The following EHF variants were observed in gnomAD, a reference collection of about 807,000 sequenced individuals.
EHF encodes the protein ETS homologous factor, also known as ESE3 transcription factor.
Under a neutral mutation model 45.1 loss-of-function variants are expected in EHF, and 14 were observed. The ratio of observed to expected loss-of-function variants is 0.31; its 90% CI spans 0.21 to 0.49. The LOEUF is 0.49. Among genes scored for constraint, EHF ranks in the 20% least tolerant of loss-of-function variants. The pLI, the probability that EHF is intolerant of heterozygous loss-of-function variation, is 0.99. For missense variants in EHF, 282 were observed against 371.4 expected (o/e 0.76, Z 1.98); for synonymous variants, 136 against 131.8 (o/e 1.03, Z -0.22).
At chr11:34,624,443 T>C (rs762735367) in intron 1 of EHF, 54 of 324,072 alleles carry the variant, frequency 1.7e-4, no homozygotes, top group Non-Finnish European at 2.1e-4. Context: ...ATTAACTTTA[T>C]TTGACATTTT....
chr11:34,652,582 T>C (rs1441433330), intron 6 of EHF, among the ~76,000 whole-genome samples: 2 of 152,210 alleles, frequency 1.3e-5, no homozygotes, highest in African/African-American at 4.8e-5. Context: ...GATCTGAGTA[T>C]GAACTTGTGG....
chr11:34,632,679 G>T lies in EHF; in HGVS notation c.-3-9949G>T, dbSNP rs534930675. ...TTGGTCATTCTCAAATGCCAGAGAG[G>T]GTTGCCCGGCTCTCTCTGCTCTTGC... On this transcript the variant is annotated intron_variant, in intron 1 of 8. Coordinates refer to ENST00000257831, the MANE Select transcript of EHF (RefSeq NM_012153.6). The T allele has an allele frequency of 2.4e-5, 37 of 1,534,688 alleles. No individual in the cohort carries two copies. In the South Asian group the frequency reaches 4.2e-4, roughly 17 times the overall value.
intron 1 of EHF, among the ~76,000 whole-genome samples, chr11:34,640,862 C>T (rs939285071): frequency 1.3e-5 from 2 of 152,190 alleles, no homozygotes; most frequent in African/African-American, 2.4e-5. Flanking sequence ...CTCATGATAA[C>T]ACCTGACGTG....
chr11:34,628,018 G>T (rs540187038), intron 1 of EHF, among the ~76,000 whole-genome samples: 1 of 152,050 alleles, frequency 6.6e-6, no homozygotes, highest in South Asian at 2.1e-4. Context: ...AAGTAATTGT[G>T]GTTCTTGCCA....
intron 2 of EHF, 52 bp downstream of exon 2, chr11:34,642,779 G>A (rs1244420257): frequency 3.8e-6 from 5 of 1,313,872 alleles, no homozygotes; most frequent in Non-Finnish European, 5.5e-6. Context: ...TGGGCTCTTT[G>A]CTTTAATTCC....
intron 3 of EHF, 38 bp from the exon 4 acceptor site, chr11:34,648,981 C>G (rs1035718617): frequency 1.9e-6 from 3 of 1,599,368 alleles, no homozygotes; most frequent in Non-Finnish European, 2.6e-6. Flanking sequence ...CTGGCTCCAT[C>G]TGGGCCCTCT....
chr11:34,639,507 A>T (rs1853774465), intron 1 of EHF, among the ~76,000 whole-genome samples: 1 of 152,086 alleles, frequency 6.6e-6, no homozygotes, highest in East Asian at 1.9e-4. Context: ...AAGTGTCTTC[A>T]CTCTACGCCT....
intron 1 of EHF, among the ~76,000 whole-genome samples, chr11:34,637,361 T>G (rs1421583580): frequency 6.6e-6 from 1 of 152,204 alleles, no homozygotes; most frequent in Non-Finnish European, 1.5e-5. Context: ...TGTCTCTGTG[T>G]GGCTGGCACA....
chr11:34,644,312 A>T (rs952161810), intron 2 of EHF, among the ~76,000 whole-genome samples: 1 of 152,256 alleles, frequency 6.6e-6, no homozygotes, highest in African/African-American at 2.4e-5. Flanking sequence ...GCCACAAAAT[A>T]TATATCCCAT....
rs1856023219 is a variant in EHF, at chr11:34,660,633, G to A, written c.*1702G>A. On this transcript the variant is annotated 3_prime_UTR_variant, in exon 9 of 9. Transcript: ENST00000257831. The stretch of plus-strand genomic sequence containing the variant: ...AGGAATAAGTAGACACTTTGAAAAT[G>A]GATTTGAATGTTCTCATCCCTTTTG... The A allele has an allele frequency of 2.0e-5, 3 of 152,236 alleles. No individual in the cohort carries two copies. Among genetic ancestry groups the A allele is most frequent in the Non-Finnish European group, 4.4e-5 (3 of 68,002 alleles). 9.4% of individuals were successfully genotyped at this position (152,236 alleles called of 1,614,324 possible). A position where few individuals can be genotyped will look rare whatever the true frequency, so the allele number is the denominator to read the frequency against.
chr11:34,626,033 C>CT (rs1356344240), intron 1 of EHF, among the ~76,000 whole-genome samples: 1 of 152,224 alleles, frequency 6.6e-6, no homozygotes, highest in Non-Finnish European at 1.5e-5. Flanking sequence ...GATTTTTAGA[C>CT]TAACAGACCA....
chr11:34,648,854 G>C (rs1250873356), intron 3 of EHF, among the ~76,000 whole-genome samples, 165 bp from the exon 4 acceptor site: 1 of 152,164 alleles, frequency 6.6e-6, no homozygotes, highest in African/African-American at 2.4e-5. Flanking sequence ...CTGCAGGCTT[G>C]AGTTTGTAGA....
intron 1 of EHF, among the ~76,000 whole-genome samples, chr11:34,626,561 T>C (rs1198027964): frequency 6.6e-6 from 1 of 152,234 alleles, no homozygotes; most frequent in Non-Finnish European, 1.5e-5. Flanking sequence ...ATGATAAGAC[T>C]TGCTTTGTCT....
At chr11:34,647,622 C>A (rs965113939) in intron 3 of EHF, among the ~76,000 whole-genome samples, 1 of 152,196 alleles carries the variant, frequency 6.6e-6, no homozygotes, top group East Asian at 1.9e-4. Flanking sequence ...TTGGTAGAAC[C>A]CATGTTTGGG....
chr11:34,642,007 G>C (rs1590474573), intron 1 of EHF: 1 of 152,218 alleles, frequency 6.6e-6, no homozygotes, highest in East Asian at 1.9e-4. Context: ...TTCTTTACCA[G>C]AAATGGGCAG....
At chr11:34,638,511 G>T (rs543083104) in intron 1 of EHF, among the ~76,000 whole-genome samples, 2 of 152,166 alleles carry the variant, frequency 1.3e-5, no homozygotes, top group Non-Finnish European at 2.9e-5. Flanking sequence ...AGTTTGTCAC[G>T]TCAGTAAGAG....
intron 3 of EHF, among the ~76,000 whole-genome samples, chr11:34,648,559 A>C (rs1022399430): frequency 6.6e-6 from 1 of 152,182 alleles, no homozygotes; most frequent in Non-Finnish European, 1.5e-5. Context: ...AAGAAGAATC[A>C]AGCTAGTTAA....
At position 34,659,518 on chromosome 11, in the gene EHF, AACCACATG is replaced by A. The variant is rs1855953499; in HGVS notation, c.*590_*597del. 1 of 152,458 alleles carries A rather than the reference AACCACATG, an allele frequency of 6.6e-6. No individual in the cohort carries two copies. Among genetic ancestry groups the A allele is most frequent in the Non-Finnish European group, 1.5e-5 (1 of 68,228 alleles). 9.4% of individuals were successfully genotyped at this position (152,458 alleles called of 1,614,324 possible). A position where few individuals can be genotyped will look rare whatever the true frequency, so the allele number is the denominator to read the frequency against. On this transcript the variant is annotated 3_prime_UTR_variant, in exon 9 of 9. Coordinates refer to ENST00000257831, the MANE Select transcript of EHF (RefSeq NM_012153.6). ...CCAAGGTTGGCTATAATCTCTGCATAACCACATGACTTGGAATGCTTAAATCAGCAAGA... is the reference window on the plus strand; with the variant it reads ...CCAAGGTTGGCTATAATCTCTGCATAACTTGGAATGCTTAAATCAGCAAGA...
In EHF at chr11:34,662,604, G is replaced by A. The variant is rs1856157567; in HGVS notation, c.*3673G>A. On this transcript the variant is annotated 3_prime_UTR_variant, in exon 9 of 9. Coordinates refer to ENST00000257831, the MANE Select transcript of EHF (RefSeq NM_012153.6). ...ATTTTTTTCCTTTTTGAAAAATACTGAGGGATCTTTTGATAAAGTTAGTAA... is the reference window on the plus strand; with the variant it reads ...ATTTTTTTCCTTTTTGAAAAATACTAAGGGATCTTTTGATAAAGTTAGTAA... 6.6e-6 allele frequency among the ~76,000 whole-genome samples: 1 copy of A among 152,106 alleles called. No homozygotes were observed. The highest frequency in any genetic ancestry group is 6.6e-5 in the Admixed American group (1 of 15,240).
Sources: allele counts gnomAD v4.1 joint callset (sites outside exome capture counted in the v4.1 genomes callset), GRCh38; gene constraint gnomAD v4.1.1; transcripts MANE v1.5; gene names NCBI Gene and HGNC (gene_info 2026-07-23, HGNC 2026-07-21).